PDE3B: variants seen among roughly 807,000 people sequenced by gnomAD.
PDE3B encodes cGMP-inhibited 3',5'-cyclic phosphodiesterase 3B.
PDE3B carries 66 observed loss-of-function variants against 116.8 expected under a neutral mutation model. The observed-to-expected ratio is 0.56, with a 90% confidence interval of 0.46 to 0.69. PDE3B has a LOEUF of 0.69. PDE3B is among the 30% of genes least tolerant of loss of function. The probability of loss-of-function intolerance (pLI) is 0.00; values close to 1 mark genes in which losing one functional copy is unlikely to be tolerated. For synonymous variants in PDE3B, 595 were observed against 533.6 expected (o/e 1.12, Z -1.59); for missense variants, 1,384 against 1,368.1 (o/e 1.01, Z -0.18).
intron 12 of PDE3B, among the ~76,000 whole-genome samples, chr11:14,854,979 T>G (rs1371654227): frequency 6.6e-6 from 1 of 152,086 alleles, no homozygotes; most frequent in African/African-American, 2.4e-5. Context: ...TTCTCAGAAT[T>G]TGAAAAATAT....
chr11:14,648,131 T>G (rs571750724), intron 1 of PDE3B, among the ~76,000 whole-genome samples: 80 of 152,230 alleles, frequency 5.3e-4, no homozygotes, highest in South Asian at 3.5e-3. Flanking sequence ...GCTACATTTC[T>G]ATGCCATTTT....
intron 12 of PDE3B, among the ~76,000 whole-genome samples, chr11:14,851,511 T>G (rs61877645): frequency 0.011 from 1,032 of 95,408 alleles, 13 homozygotes; most frequent in Non-Finnish European, 0.018. Flanking sequence ...TATAATGGGG[T>G]GTGTGTGTGT....
At chr11:14,831,549 A>C in intron 8 of PDE3B, 91 bp from the exon 9 acceptor site, 2 of 718,546 alleles carry the variant, frequency 2.8e-6, no homozygotes, top group Non-Finnish European at 4.2e-6. Context: ...TGACTTTTTT[A>C]AATGTTTAAT....
rs201751570 is a variant in PDE3B, at chr11:14,680,178, A to C, written c.978+35125A>C. On this transcript the variant is annotated intron_variant, in intron 1 of 15. Transcript: ENST00000282096. ...GGACCTCAACCTCTCTGAAGGGAAC[A>C]CCCTTGGCAGAGGTCCTAAGGCCTA... Among the ~76,000 whole-genome samples, 30 of 152,228 alleles carry C rather than the reference A, an allele frequency of 2.0e-4. No individual in the cohort carries two copies. In the East Asian group the frequency reaches 5.6e-3, roughly 28 times the overall value.
chr11:14,665,482 C>T (rs1326917472), intron 1 of PDE3B, among the ~76,000 whole-genome samples: 2 of 152,174 alleles, frequency 1.3e-5, no homozygotes, highest in Non-Finnish European at 2.9e-5. Flanking sequence ...CAAATTGTCC[C>T]TGTTTGCAGA....
At chr11:14,892,646 T>A in the PDE3B span, among the ~76,000 whole-genome samples, 1 of 152,200 alleles carries the variant, frequency 6.6e-6, no homozygotes, top group Non-Finnish European at 1.5e-5. Context: ...CTGCAGTCTT[T>A]AGCTGAACCT....
rs1383326443 is a variant in PDE3B, at chr11:14,849,707, C to T, written c.2520+5681C>T. ...TGAACAGACACTTCTCAAAAGAAGA[C>T]ATTTATGCAGCCAAAAAACACGTGA... On this transcript the variant is annotated intron_variant, in intron 12 of 15. Transcript: ENST00000282096. 2.0e-5 allele frequency among the ~76,000 whole-genome samples: 3 copies of T among 152,160 alleles called. No homozygotes were observed. In the East Asian group the frequency reaches 5.8e-4, roughly 29 times the overall value.
the PDE3B span, chr11:14,891,956 T>C: frequency 6.2e-7 from 1 of 1,609,164 alleles, no homozygotes; most frequent in Non-Finnish European, 8.5e-7. Flanking sequence ...CGGCCCTCCC[T>C]GCCCGGGGCC....
chr11:14,702,852 A>T (rs1855409527), intron 1 of PDE3B, among the ~76,000 whole-genome samples: 1 of 151,808 alleles, frequency 6.6e-6, no homozygotes, highest in African/African-American at 2.4e-5. Context: ...AAACTGACCT[A>T]TTTATCTACC....
chr11:14,890,320 G>T, the PDE3B span: 1 of 245,632 alleles, frequency 4.1e-6, no homozygotes, highest in Non-Finnish European at 6.5e-6. Context: ...ATATTATGAT[G>T]CTGTGTACCA....
chr11:14,859,012 G>T, intron 12 of PDE3B, 31 bp from the exon 13 acceptor site: 5 of 1,482,562 alleles, frequency 3.4e-6, no homozygotes, highest in Non-Finnish European at 4.7e-6. Context: ...TCTTTGAGGT[G>T]TCTGCCTCAT....
At chr11:14,732,672 G>T (rs557805831) in intron 1 of PDE3B, among the ~76,000 whole-genome samples, 30 of 152,246 alleles carry the variant, frequency 2.0e-4, no homozygotes, top group Admixed American at 6.5e-4. Context: ...TGGGAGATTG[G>T]TTCCAGGACT....
At chr11:14,788,496 G>A (rs1325972880) in intron 3 of PDE3B, among the ~76,000 whole-genome samples, 1 of 151,974 alleles carries the variant, frequency 6.6e-6, no homozygotes, top group African/African-American at 2.4e-5. Flanking sequence ...TTCATAAGAA[G>A]CAGAAACTAT....
intron 7 of PDE3B, among the ~76,000 whole-genome samples, chr11:14,824,446 C>T (rs1216811731): frequency 2.6e-5 from 4 of 152,084 alleles, no homozygotes; most frequent in African/African-American, 9.7e-5. Flanking sequence ...GAAAAGGAAC[C>T]TAACTGATCT....
intron 1 of PDE3B, among the ~76,000 whole-genome samples, chr11:14,752,300 CAG>C (rs1345849262): frequency 6.6e-6 from 1 of 152,088 alleles, no homozygotes. Context: ...CAGTTTCTGA[CAG>C]AGAAAACTGG....
At chr11:14,879,093 G>GC in the PDE3B span, 29 of 1,569,422 alleles carry the variant, frequency 1.8e-5, 1 homozygote, top group South Asian at 3.2e-4. Flanking sequence ...CTAAAGTTAC[G>GC]CCCCGTGAAA....
chr11:14,682,260 G>A (rs1854732735), intron 1 of PDE3B, among the ~76,000 whole-genome samples: 2 of 152,134 alleles, frequency 1.3e-5, no homozygotes, highest in Admixed American at 1.3e-4. Context: ...CTGTGTTCAA[G>A]GGTCGACTGT....
intron 14 of PDE3B, among the ~76,000 whole-genome samples, chr11:14,865,477 G>A (rs941420510): frequency 3.9e-5 from 6 of 152,070 alleles, no homozygotes; most frequent in Non-Finnish European, 7.4e-5. Context: ...ATATAACCAT[G>A]CACCTGGTAT....
chr11:14,847,800 T>A lies in PDE3B; in HGVS notation c.2520+3774T>A, dbSNP rs1590191362. ...AAGACTAAACCAGGAAGAAGTTGAC[T>A]CTCTGAACAGACCAATAACAGGCTC... On this transcript the variant is annotated intron_variant, in intron 12 of 15. Transcript: ENST00000282096. 2.0e-5 allele frequency among the ~76,000 whole-genome samples: 3 copies of A among 151,660 alleles called. No individual in the cohort carries two copies. The South Asian group carries it at 6.3e-4, about 32-fold the overall frequency.
Sources: allele counts gnomAD v4.1 joint callset (sites outside exome capture counted in the v4.1 genomes callset), GRCh38; gene constraint gnomAD v4.1.1; transcripts MANE v1.5; gene names NCBI Gene and HGNC (gene_info 2026-07-23, HGNC 2026-07-21).